SZT2: variants seen among roughly 807,000 people sequenced by gnomAD.
SZT2 encodes KICSTOR complex protein SZT2.
In SZT2, 216 loss-of-function variants were observed where a neutral mutation model predicts 404.2. The ratio of observed to expected loss-of-function variants is 0.53; its 90% CI spans 0.48 to 0.60. The LOEUF is 0.60. Ranked by LOEUF, SZT2 falls within the 20% of genes least tolerant of loss-of-function variation. The pLI, the probability that SZT2 is intolerant of heterozygous loss-of-function variation, is 0.00. For missense variants in SZT2, 3,857 were observed against 4,459.2 expected (o/e 0.86, Z 3.85); for synonymous variants, 1,693 against 1,749.9 (o/e 0.97, Z 0.81).
chr1:43,403,486 G>A (rs1481259641), intron 2 of SZT2, 115 bp from the exon 3 acceptor site: 1 of 1,420,250 alleles, frequency 7.0e-7, no homozygotes, highest in South Asian at 1.3e-5. Context: ...AGAGTATACG[G>A]TTAGATTGAG....
Position 43,422,464 on chromosome 1 carries a change from ACACC to A in SZT2, c.1770-14_1770-11del. On this transcript the variant is annotated splice_polypyrimidine_tract_variant and intron_variant, in intron 12 of 71. Coordinates refer to ENST00000634258, the MANE Select transcript of SZT2 (RefSeq NM_001365999.1). ...GGGCCTGGAGGTCTAACCTCAGTCC[ACACC>A]CCTCTTCCTAGACCAATCCCCAAGC... 6.4e-7 allele frequency: 1 copy of A among 1,565,528 alleles called. No homozygotes were observed. The highest frequency in any genetic ancestry group is 1.3e-5 in the African/African-American group (1 of 74,192).
intron 1 of SZT2, among the ~76,000 whole-genome samples, chr1:43,396,812 A>G (rs1649049281): frequency 6.6e-6 from 1 of 152,214 alleles, no homozygotes; most frequent in Non-Finnish European, 1.5e-5. Context: ...GGTTCCAGGA[A>G]CAATAAAGAA....
chr1:43,446,657 C>G, intron 65 of SZT2: 1 of 625,918 alleles, frequency 1.6e-6, no homozygotes, highest in East Asian at 2.7e-5. Context: ...AGCACAGTGC[C>G]TGGTCTGGCC....
Position 43,437,624 on chromosome 1 carries a change from C to T in SZT2, c.6320C>T (p.Pro2107Leu). 6.2e-7 allele frequency: 1 copy of T among 1,614,108 alleles called. No individual in the cohort carries two copies. Among genetic ancestry groups the T allele is most frequent in the Non-Finnish European group, 8.5e-7 (1 of 1,180,012 alleles). The change falls in exon 45 of 72, where the codon CCA becomes CTA. Residue 2107 changes from proline to leucine, a missense_variant. Physicochemically the swap from Pro to Leu is moderately conservative, Grantham distance 98. Around this residue, in one of 7 missense-constraint regions of SZT2, gnomAD observed 261 missense variants for 372.9 expected, o/e 0.70. Transcript: ENST00000634258. The surrounding 1 kb of genome is among the most constrained non-coding windows in gnomAD (Gnocchi z 5.3). ...CTAGAGACATCCTGCAGTGACCGGC[C>T]ATGGAAAGGGGATGCGCTGCCCCCT... ...RLLETSCSDR[P>L]WKGDALPPSL...
rs1388135452 is a variant in SZT2 at position 43,437,697 on chromosome 1, C to T, written c.6393C>T (p.Ala2131=). The part of the protein sequence containing the change: ...RSQEPIYSEE[A]SGPRSPLDMV... The stretch of plus-strand genomic sequence containing the variant: ...AAGAGCCCATCTACTCTGAGGAAGC[C>T]TCGGCATGTATCACTCCCACTCTCT... The change falls in exon 45 of 72, where the codon GCC becomes GCT. Residue 2131 remains alanine (A), a synonymous_variant. Coordinates refer to ENST00000634258, the MANE Select transcript of SZT2 (RefSeq NM_001365999.1). This position sits in a 1 kb window ranked among gnomAD's most constrained non-coding sequence, Gnocchi z 5.3. The T allele has an allele frequency of 5.0e-6, 8 of 1,614,008 alleles. No homozygotes were observed. Among genetic ancestry groups the T allele is most frequent in the Non-Finnish European group, 6.8e-6 (8 of 1,180,018 alleles).
Position 43,446,411 on chromosome 1 carries a change from T to C in SZT2, c.9067T>C (p.Ser3023Pro), listed in dbSNP as rs1655679188. 2 of 1,614,162 alleles carry C rather than the reference T, an allele frequency of 1.2e-6. No homozygotes were observed. Among genetic ancestry groups the C allele is most frequent in the Admixed American group, 3.3e-5 (2 of 60,018 alleles). ...SRIPMGQAVN[S>P]QLSMLFTEEC... ...AATCCCAATGGGGCAGGCTGTCAAC[T>C]CACAGGTATGTGAATGAGCTGCGGG... is the stretch of plus-strand genomic sequence containing the variant. The change falls in exon 65 of 72, where the codon TCA (serine) becomes CCA (proline). Residue 3023 changes from serine to proline, a missense_variant. By Grantham distance (74) the Ser-to-Pro change is moderately conservative. Coordinates refer to ENST00000634258, the MANE Select transcript of SZT2 (RefSeq NM_001365999.1).
In SZT2 at chr1:43,416,579, G is replaced by A. The variant is rs1651748556; in HGVS notation, c.817G>A (p.Ala273Thr). ...TGGGGTGACCAGTGTACCTGATGTT[G>A]CTGTCTGTGAGACACTGCTGAACCA... ...TDGVTSVPDVAVCETLLNQLR... is the reference protein window; with the variant it reads ...TDGVTSVPDVTVCETLLNQLR... The change falls in exon 7 of 72, where the codon GCT becomes ACT. Residue 273 changes from alanine (A) to threonine (T), a missense_variant. Around this residue, in one of 7 missense-constraint regions of SZT2, gnomAD observed 536 missense variants for 637.4 expected, o/e 0.84. Transcript: ENST00000634258. 6.3e-7 allele frequency: 1 copy of A among 1,598,324 alleles called. No individual in the cohort carries two copies. The highest frequency in any genetic ancestry group is 1.3e-5 in the African/African-American group (1 of 75,042).
At position 43,423,130 on chromosome 1, in the gene SZT2, G is replaced by A. The variant is rs751741065; in HGVS notation, c.2069G>A (p.Arg690Gln). 63 of 1,595,624 alleles carry A rather than the reference G, an allele frequency of 3.9e-5. No homozygotes were observed. The highest frequency in any genetic ancestry group is 2.0e-4 in the South Asian group (18 of 90,486). ...IVSGLREEIL[R>Q]LRFPHRVQSK... ...TCAGGCTTGAGGGAAGAGATCCTGC[G>A]GCTGCGTTTCCCCCACCGGGTACAA... The change falls in exon 15 of 72, where the codon CGG (arginine) becomes CAG (glutamine). Residue 690 changes from arginine to glutamine, a missense_variant. Physicochemically the swap from Arg to Gln is conservative, Grantham distance 43. Coordinates refer to ENST00000634258, the MANE Select transcript of SZT2 (RefSeq NM_001365999.1).
chr1:43,435,062 T>A (rs1654318571), intron 41 of SZT2, 138 bp from the exon 42 acceptor site: 1 of 1,027,534 alleles, frequency 9.7e-7, no homozygotes, highest in South Asian at 1.6e-5. Flanking sequence ...TTGACCTCTC[T>A]GTGATGACTG....
At position 43,445,903 on chromosome 1, in the gene SZT2, G is replaced by T. The variant is rs752988789; in HGVS notation, c.8835G>T (p.Arg2945=). ...RPPSPARSTS[R]PRAMAILGTE... ...TCCTCCTTTTCTATAGCACCAGCCG[G>T]CCACGGGCCATGGCTATCCTTGGAA... Residue 2945 remains arginine (R), a synonymous_variant, in exon 63 of 72, where the codon CGG becomes CGT. Transcript: ENST00000634258. 4 of 1,614,066 alleles carry T rather than the reference G, an allele frequency of 2.5e-6. No individual in the cohort carries two copies. The highest frequency in any genetic ancestry group is 3.4e-6 in the Non-Finnish European group (4 of 1,180,030).
intron 1 of SZT2, among the ~76,000 whole-genome samples, chr1:43,399,022 G>A (rs375850257): frequency 6.6e-6 from 1 of 152,040 alleles, no homozygotes; most frequent in Non-Finnish European, 1.5e-5. Context: ...GGAAGTTGCA[G>A]TGAGCCGAGA....
Position 43,424,646 on chromosome 1 carries a change from C to G in SZT2, c.2472-138C>G. ...CTGGATTTGTTATACCCTGAGGGAC[C>G]GCCAGTCTAAGCAGGGCCAGCAGCA... is the stretch of plus-strand genomic sequence containing the variant. On this transcript the variant is annotated intron_variant, in intron 16 of 71. Coordinates refer to ENST00000634258, the MANE Select transcript of SZT2 (RefSeq NM_001365999.1). The surrounding 1 kb of genome is among the most constrained non-coding windows in gnomAD (Gnocchi z 4.1). 1 of 874,512 alleles carries G rather than the reference C, an allele frequency of 1.1e-6. No individual in the cohort carries two copies. Among genetic ancestry groups the G allele is most frequent in the Non-Finnish European group, 1.8e-6 (1 of 563,650 alleles). The allele number at this position is 874,512 out of a possible 1,614,324, so 54.2% of individuals were successfully genotyped here.
In SZT2 at chr1:43,448,233, C is replaced by T; in HGVS notation, c.9718C>T (p.Leu3240=). ...CCCTGGGGAGGCCTCAGGGCTTATT[C>T]TAGCGCCTGGACCGGCTCCTCTGTT... ...GSPGEASGLI[L]APGPAPLFPP... Residue 3240 remains leucine, a synonymous_variant, in exon 69 of 72, where the codon CTA becomes TTA. Transcript: ENST00000634258. The surrounding 1 kb of genome is among the most constrained non-coding windows in gnomAD (Gnocchi z 4.2). 6.2e-7 allele frequency: 1 copy of T among 1,600,596 alleles called. No homozygotes were observed. Among genetic ancestry groups the T allele is most frequent in the Non-Finnish European group, 8.5e-7 (1 of 1,173,752 alleles).
chr1:43,428,751 C>G, intron 28 of SZT2: 1 of 480,746 alleles, frequency 2.1e-6, no homozygotes, highest in East Asian at 3.6e-5. Context: ...TCCCCTGGTG[C>G]TAACCGTGAA....
Position 43,424,275 on chromosome 1 carries a change from G to A in SZT2, c.2314G>A (p.Gly772Ser). ...CTTCTTGCTGACATTGGAGCCACCA[G>A]GTCCACTGCCCTTGGTGTCAGGCCG... ...APFLLTLEPPGPLPLVSGRSA... is the reference protein window; with the variant it reads ...APFLLTLEPPSPLPLVSGRSA... Residue 772 changes from glycine to serine, a missense_variant, in exon 16 of 72, where the codon GGT becomes AGT. Physicochemically the swap from Gly to Ser is moderately conservative, Grantham distance 56. Around this residue, in one of 7 missense-constraint regions of SZT2, gnomAD observed 1,725 missense variants for 1,881.0 expected, o/e 0.92. Coordinates refer to ENST00000634258, the MANE Select transcript of SZT2 (RefSeq NM_001365999.1). The surrounding 1 kb of genome is among the most constrained non-coding windows in gnomAD (Gnocchi z 4.1). 1 of 1,598,018 alleles carries A rather than the reference G, an allele frequency of 6.3e-7. No homozygotes were observed. The highest frequency in any genetic ancestry group is 8.5e-7 in the Non-Finnish European group (1 of 1,179,562).
chr1:43,392,155 T>C (rs188395015), intron 1 of SZT2, among the ~76,000 whole-genome samples: 2 of 147,656 alleles, frequency 1.4e-5, no homozygotes, highest in East Asian at 4.0e-4. Flanking sequence ...AATGTAATTA[T>C]ATATTTAACC....
chr1:43,396,381 A>G (rs1648994423), intron 1 of SZT2, among the ~76,000 whole-genome samples: 1 of 152,236 alleles, frequency 6.6e-6, no homozygotes, highest in Non-Finnish European at 1.5e-5. Flanking sequence ...TTAGAAGGTA[A>G]AACAAAAAGT....
intron 4 of SZT2, among the ~76,000 whole-genome samples, chr1:43,410,743 T>G (rs1650937373): frequency 6.6e-6 from 1 of 152,016 alleles, no homozygotes; most frequent in African/African-American, 2.4e-5. Flanking sequence ...AATAACTAAT[T>G]TCAATTTTAA....
chr1:43,415,661 A>G (rs930493524), intron 5 of SZT2, among the ~76,000 whole-genome samples: 12 of 152,178 alleles, frequency 7.9e-5, no homozygotes, highest in African/African-American at 2.9e-4. Context: ...AAAATATTTC[A>G]TAACAGTGAT....
Sources: allele counts gnomAD v4.1 joint callset (sites outside exome capture counted in the v4.1 genomes callset), GRCh38; gene constraint gnomAD v4.1.1; regional missense constraint gnomAD v4.1.1; non-coding constraint Gnocchi (gnomAD v3.1); transcripts MANE v1.5; gene names NCBI Gene and HGNC (gene_info 2026-07-23, HGNC 2026-07-21).